MEF2C: variants seen among roughly 807,000 people sequenced by gnomAD.
The protein encoded by MEF2C is myocyte-specific enhancer factor 2C.
A neutral mutation model predicts 50.5 loss-of-function variants in MEF2C; 6 were observed. That is an observed-to-expected ratio of 0.12 (90% confidence interval 0.07 to 0.23). The LOEUF (loss-of-function observed/expected upper bound fraction) is 0.23. MEF2C is among the 10% of genes least tolerant of loss of function. The pLI, the probability that MEF2C is intolerant of heterozygous loss-of-function variation, is 1.00. For synonymous variants in MEF2C, 183 were observed against 228.0 expected, an observed-to-expected ratio of 0.80 and a Z score of 1.78; for missense variants, 276 against 605.0, an observed-to-expected ratio of 0.46 and a Z score of 5.70.
At chr5:88,733,981 G>A (rs575763505) in intron 6 of MEF2C, 3 of 984,896 alleles carry the variant, frequency 3.0e-6, no homozygotes, top group South Asian at 4.7e-5. Flanking sequence ...AGTATTCCAT[G>A]GCAAAAGCTG....
At position 88,753,572 on chromosome 5, in the gene MEF2C, G is replaced by C. The variant is rs143210575; in HGVS notation, c.403-1529C>G. ...GCCCAGCTATTTTTTTGTATTTTTA[G>C]TAGAGATGGGGTTTTGCCATGTTGC... On this transcript the variant is annotated intron_variant, in intron 4 of 10. Coordinates refer to ENST00000504921, the MANE Select transcript of MEF2C (RefSeq NM_002397.5). Among the ~76,000 whole-genome samples the C allele has an allele frequency of 9.1e-3, 1,378 of 152,162 alleles. 21 individuals carry two copies. The highest frequency in any genetic ancestry group is 0.031 in the African/African-American group (1,286 of 41,522).
chr5:88,831,576 A>AT (rs1382385608), intron 1 of MEF2C, among the ~76,000 whole-genome samples: 1 of 152,066 alleles, frequency 6.6e-6, no homozygotes, highest in Non-Finnish European at 1.5e-5. Context: ...AAAATGCTAG[A>AT]TAAATCATCT....
intron 1 of MEF2C, among the ~76,000 whole-genome samples, chr5:88,902,244 TACTC>T (rs1255454485): frequency 6.6e-6 from 1 of 151,678 alleles, no homozygotes; most frequent in Non-Finnish European, 1.5e-5. Flanking sequence ...CGACTATAGT[TACTC>T]AGGTGTCTGA....
At chr5:88,769,760 TCA>T (rs907416938) in intron 3 of MEF2C, among the ~76,000 whole-genome samples, 1 of 152,140 alleles carries the variant, frequency 6.6e-6, no homozygotes, top group Non-Finnish European at 1.5e-5. Flanking sequence ...TCTTCCCACT[TCA>T]GTCTCCCAAG....
chr5:88,758,375 C>T (rs1049840026), intron 4 of MEF2C, among the ~76,000 whole-genome samples: 2 of 152,200 alleles, frequency 1.3e-5, no homozygotes, highest in South Asian at 4.2e-4. Context: ...CCAGCATGAA[C>T]CATGGCGAAC....
chr5:88,819,609 CCA>C (rs990433645), intron 2 of MEF2C, among the ~76,000 whole-genome samples: 2 of 151,956 alleles, frequency 1.3e-5, no homozygotes, highest in Non-Finnish European at 2.9e-5. Flanking sequence ...AGGCCTTTCT[CCA>C]ACCCTGATGT....
chr5:88,764,211 T>G (rs999896127), intron 3 of MEF2C, among the ~76,000 whole-genome samples: 7 of 152,226 alleles, frequency 4.6e-5, no homozygotes, highest in Admixed American at 4.6e-4. Flanking sequence ...GGGTAGATAT[T>G]GTGTTTGGTT....
At chr5:88,734,817 T>C in intron 6 of MEF2C, 4 of 978,728 alleles carry the variant, frequency 4.1e-6, no homozygotes, top group Non-Finnish European at 4.9e-6. Flanking sequence ...TACGCCATTT[T>C]AGAAGATTAG....
chr5:88,815,890 A>C (rs1196115151), intron 2 of MEF2C, among the ~76,000 whole-genome samples: 1 of 152,150 alleles, frequency 6.6e-6, no homozygotes, highest in Admixed American at 6.6e-5. Context: ...TCAGTAATAC[A>C]ATGTCACACA....
At chr5:88,838,567 CTGAGAATTACAGA>C (rs1182296988) in intron 1 of MEF2C, 13 of 984,962 alleles carry the variant, frequency 1.3e-5, no homozygotes, top group African/African-American at 3.5e-5. Flanking sequence ...GAATTCTCAT[CTGAGAATTACAGA>C]TGAGAATTAC....
chr5:88,741,483 T>C (rs1766755840), intron 6 of MEF2C: 2 of 985,312 alleles, frequency 2.0e-6, no homozygotes, highest in Non-Finnish European at 2.4e-6. Context: ...TCTGGAATCT[T>C]TTCCCAAACT....
At chr5:88,821,731 T>C (rs1257828738) in intron 2 of MEF2C, among the ~76,000 whole-genome samples, 1 of 151,028 alleles carries the variant, frequency 6.6e-6, no homozygotes, top group Non-Finnish European at 1.5e-5. Context: ...AGATAGAGAG[T>C]AGACTGATGG....
At chr5:88,787,236 T>A (rs1367704718) in intron 3 of MEF2C, among the ~76,000 whole-genome samples, 8 of 152,368 alleles carry the variant, frequency 5.3e-5, no homozygotes. Flanking sequence ...TTATAAATAA[T>A]ACACTTATTA....
At chr5:88,774,368 G>A (rs2152805759) in intron 3 of MEF2C, among the ~76,000 whole-genome samples, 1 of 151,058 alleles carries the variant, frequency 6.6e-6, no homozygotes, top group East Asian at 1.9e-4. Flanking sequence ...TGTCGCCCAG[G>A]CTGGAGTGCA....
chr5:88,848,994 T>C (rs1343589115), intron 1 of MEF2C, among the ~76,000 whole-genome samples: 4 of 151,698 alleles, frequency 2.6e-5, no homozygotes, highest in Non-Finnish European at 4.4e-5. Context: ...CTACTAAAAA[T>C]ACAAAAATTC....
intron 1 of MEF2C, among the ~76,000 whole-genome samples, chr5:88,877,587 A>G (rs987704842): frequency 1.3e-5 from 2 of 152,074 alleles, no homozygotes; most frequent in African/African-American, 2.4e-5. Flanking sequence ...CAAAAATAAC[A>G]AAAGAACATC....
chr5:88,743,019 T>C (rs1767580607), intron 6 of MEF2C: 10 of 973,158 alleles, frequency 1.0e-5, no homozygotes, highest in Non-Finnish European at 1.2e-5. Flanking sequence ...ACTCCCAAGG[T>C]AAAACTGCCA....
chr5:88,872,977 C>A (rs991338195), intron 1 of MEF2C, among the ~76,000 whole-genome samples: 3 of 152,038 alleles, frequency 2.0e-5, no homozygotes, highest in South Asian at 2.1e-4. Flanking sequence ...TCTTCTCTCT[C>A]GAGAGTGTAT....
chr5:88,868,113 A>G (rs1427178255), intron 1 of MEF2C, among the ~76,000 whole-genome samples: 6 of 152,220 alleles, frequency 3.9e-5, no homozygotes, highest in Non-Finnish European at 8.8e-5. Flanking sequence ...AAAACTTTAA[A>G]AAGTATTTTT....
Sources: gnomAD v4.1 joint callset for allele counts (sites outside exome capture counted in the v4.1 genomes callset) on GRCh38, gnomAD v4.1.1 for gene constraint, MANE v1.5 for transcripts, NCBI Gene and HGNC (gene_info 2026-07-23, HGNC 2026-07-21) for gene names.